The following CPNE3 variants were observed in gnomAD, a reference collection of about 807,000 sequenced individuals.
CPNE3 encodes copine 3.
Under a neutral mutation model 63.9 loss-of-function variants are expected in CPNE3, and 68 were observed. The ratio of observed to expected loss-of-function variants is 1.06; its 90% CI spans 0.87 to 1.30. The LOEUF (loss-of-function observed/expected upper bound fraction) is 1.30, where lower values mean the gene tolerates loss of function less well. Among genes scored for constraint, CPNE3 ranks in the 50% most tolerant of loss-of-function variants. The probability of loss-of-function intolerance (pLI) is 0.00; values close to 1 mark genes in which losing one functional copy is unlikely to be tolerated. For missense variants in CPNE3, 665 were observed against 578.1 expected, an observed-to-expected ratio of 1.15 and a Z score of -1.54; for synonymous variants, 219 against 197.5, an observed-to-expected ratio of 1.11 and a Z score of -0.91.
intron 2 of CPNE3, among the ~76,000 whole-genome samples, chr8:86,520,883 C>T (rs1290721141): frequency 1.3e-5 from 2 of 152,038 alleles, no homozygotes; most frequent in African/African-American, 4.8e-5. Flanking sequence ...AAACTCCTGA[C>T]CTCAGGTGAT....
At chr8:86,524,494 G>A (rs1360575924) in intron 2 of CPNE3, among the ~76,000 whole-genome samples, 2 of 152,092 alleles carry the variant, frequency 1.3e-5, no homozygotes, top group African/African-American at 4.8e-5. Context: ...GTAATAATCT[G>A]TACAGTAGGG....
rs1420317634 is a variant in CPNE3 at position 86,561,039 on chromosome 8, C to A, written c.*2629C>A. On this transcript the variant is annotated 3_prime_UTR_variant, in exon 17 of 17. Coordinates refer to ENST00000517490, the MANE Select transcript of CPNE3 (RefSeq NM_003909.5). ...TGTGGTTAGAATTGCAATTTTAAGA[C>A]CAGAAAAATTTGAAGTCTGATCAGA... is the stretch of plus-strand genomic sequence containing the variant. 6.6e-6 allele frequency: 1 copy of A among 152,142 alleles called. No homozygotes were observed. The highest frequency in any genetic ancestry group is 1.9e-4 in the East Asian group (1 of 5,202). 9.4% of individuals were successfully genotyped at this position (152,142 alleles called of 1,614,324 possible). A position where few individuals can be genotyped will look rare whatever the true frequency, so the allele number is the denominator to read the frequency against.
At chr8:86,533,832 T>C (rs1188518038) in intron 6 of CPNE3, among the ~76,000 whole-genome samples, 5 of 152,188 alleles carry the variant, frequency 3.3e-5, no homozygotes, top group Non-Finnish European at 4.4e-5. Flanking sequence ...TTACGTCCTT[T>C]TAAATCTGTA....
intron 2 of CPNE3, among the ~76,000 whole-genome samples, chr8:86,527,814 T>A (rs536582872): frequency 1.3e-5 from 2 of 151,802 alleles, no homozygotes; most frequent in African/African-American, 4.8e-5. Context: ...CTCAGTGTCT[T>A]GTTAAATAAA....
intron 2 of CPNE3, among the ~76,000 whole-genome samples, chr8:86,515,957 A>T (rs1820295394): frequency 6.6e-6 from 1 of 152,244 alleles, no homozygotes; most frequent in Non-Finnish European, 1.5e-5. Context: ...CAGATGACAT[A>T]TATAATGGCA....
chr8:86,546,474 C>A, intron 9 of CPNE3, 121 bp from the exon 10 acceptor site: 1 of 920,340 alleles, frequency 1.1e-6, no homozygotes, highest in Non-Finnish European at 1.7e-6. Context: ...TTATATTTTG[C>A]AACAGACCTA....
At chr8:86,550,310 G>T (rs1040650904) in intron 12 of CPNE3, among the ~76,000 whole-genome samples, 1 of 152,152 alleles carries the variant, frequency 6.6e-6, no homozygotes, top group Non-Finnish European at 1.5e-5. Context: ...GTACAGTGGT[G>T]CAGTCACAGT....
intron 6 of CPNE3, among the ~76,000 whole-genome samples, chr8:86,534,546 C>T (rs1230010561): frequency 6.6e-6 from 1 of 152,130 alleles, no homozygotes; most frequent in East Asian, 1.9e-4. Flanking sequence ...GTCCCAGCTA[C>T]TTGGGAGGCT....
intron 2 of CPNE3, among the ~76,000 whole-genome samples, chr8:86,517,797 G>A (rs1183166767): frequency 2.6e-5 from 4 of 152,140 alleles, no homozygotes; most frequent in Non-Finnish European, 4.4e-5. Flanking sequence ...GGCCTGCTTT[G>A]TTTATTGTTG....
chr8:86,539,352 A>G (rs1820877321), intron 7 of CPNE3, among the ~76,000 whole-genome samples: 1 of 152,178 alleles, frequency 6.6e-6, no homozygotes, highest in Non-Finnish European at 1.5e-5. Flanking sequence ...AATAAGCCCT[A>G]TTCCTGCAAG....
At chr8:86,553,211 AAC>A (rs1821233320) in intron 14 of CPNE3, among the ~76,000 whole-genome samples, 2 of 152,064 alleles carry the variant, frequency 1.3e-5, no homozygotes, top group South Asian at 4.2e-4. Flanking sequence ...GACTACTAGT[AAC>A]ATGGACCTTC....
At chr8:86,526,943 G>A (rs1381709116) in intron 2 of CPNE3, among the ~76,000 whole-genome samples, 1 of 152,188 alleles carries the variant, frequency 6.6e-6, no homozygotes, top group Non-Finnish European at 1.5e-5. Context: ...ACTGTTTTTA[G>A]AGAGTTCAAT....
chr8:86,548,467 G>A, intron 12 of CPNE3, 33 bp downstream of exon 12: 1 of 1,612,816 alleles, frequency 6.2e-7, no homozygotes, highest in Non-Finnish European at 8.5e-7. Context: ...TAAAATACAT[G>A]TTTTCACAAT....
At chr8:86,528,450 T>A in intron 2 of CPNE3, 86 bp from the exon 3 acceptor site, 1 of 1,482,346 alleles carries the variant, frequency 6.7e-7, no homozygotes, top group Non-Finnish European at 9.3e-7. Context: ...CAATTGGTCT[T>A]AAGAAGTCAC....
intron 15 of CPNE3, among the ~76,000 whole-genome samples, chr8:86,555,583 A>T (rs181467380): frequency 1.9e-3 from 282 of 152,328 alleles, no homozygotes; most frequent in African/African-American, 6.3e-3. Flanking sequence ...TCACTACTTG[A>T]TGTAACATTT....
In CPNE3 at chr8:86,546,575, T is replaced by G. The variant is rs1411033398; in HGVS notation, c.733-20T>G. The G allele has an allele frequency of 6.2e-7, 1 of 1,603,020 alleles. No homozygotes were observed. The highest frequency in any genetic ancestry group is 8.5e-7 in the Non-Finnish European group (1 of 1,176,294). On this transcript the variant is annotated intron_variant, in intron 9 of 16. Coordinates refer to ENST00000517490, the MANE Select transcript of CPNE3 (RefSeq NM_003909.5). ...AATATTGCTAATAAAAAGTAACATT[T>G]TTGTCTTCTCTTCCTACAGGTTGAA...
chr8:86,560,516 A>G lies in CPNE3; in HGVS notation c.*2106A>G, dbSNP rs563397882. On this transcript the variant is annotated 3_prime_UTR_variant, in exon 17 of 17. Transcript: ENST00000517490. ...ATTCCTGGTTTTCTTCAGCCAAATA[A>G]CAGGTAATCACTGTCAATTGGATTT... is the stretch of plus-strand genomic sequence containing the variant. 9.9e-5 allele frequency: 15 copies of G among 152,210 alleles called. No homozygotes were observed. Among genetic ancestry groups the G allele is most frequent in the Admixed American group, 3.3e-4 (5 of 15,280 alleles). The allele number at this position is 152,210 out of a possible 1,614,324, so 9.4% of individuals were successfully genotyped here.
intron 14 of CPNE3, among the ~76,000 whole-genome samples, chr8:86,553,748 A>G (rs1388143686): frequency 7.9e-6 from 1 of 127,320 alleles, no homozygotes; most frequent in South Asian, 2.7e-4. Flanking sequence ...ATTTACATTA[A>G]GTTTTTTTTT....
intron 2 of CPNE3, among the ~76,000 whole-genome samples, chr8:86,519,620 G>GTTTA (rs2131419304): frequency 6.6e-6 from 1 of 152,258 alleles, no homozygotes; most frequent in Non-Finnish European, 1.5e-5. Flanking sequence ...TGGTTTGTTT[G>GTTTA]TTTATTTAAG....
Sources: gnomAD v4.1 joint callset for allele counts (sites outside exome capture counted in the v4.1 genomes callset) on GRCh38, gnomAD v4.1.1 for gene constraint, MANE v1.5 for transcripts, NCBI Gene and HGNC (gene_info 2026-07-23, HGNC 2026-07-21) for gene names.